RYR2: variants seen among roughly 807,000 people sequenced by gnomAD.
The protein encoded by RYR2 is cardiac muscle ryanodine receptor-calcium release channel.
A neutral mutation model predicts 601.1 loss-of-function variants in RYR2; 227 were observed. The observed-to-expected ratio is 0.38, with a 90% CI of 0.34 to 0.42. The LOEUF is 0.42. Ranked by LOEUF, RYR2 falls within the 10% of genes least tolerant of loss-of-function variation. The pLI is 1.00. For missense variants in RYR2, 4,646 were observed against 6,156.5 expected (o/e 0.75, Z 8.21); for synonymous variants, 2,223 against 2,175.1 (o/e 1.02, Z -0.61).
At position 237,662,706 on chromosome 1, in the gene RYR2, C is replaced by T. The variant is rs75863503; in HGVS notation, c.8436+1759C>T. ...AAGCCCTTAATAGACCCTATTAACC[C>T]GTGAAACCATCTCTCATGTCTTAGT... On this transcript the variant is annotated intron_variant, in intron 56 of 104. Coordinates refer to ENST00000366574, the MANE Select transcript of RYR2 (RefSeq NM_001035.3). Among the ~76,000 whole-genome samples the T allele has an allele frequency of 5.6e-3, 857 of 152,250 alleles. 7 individuals are homozygous for T. The highest frequency in any genetic ancestry group is 0.037 in the Middle Eastern group (11 of 294).
At chr1:237,599,602 T>A (rs1171634339) in intron 34 of RYR2, among the ~76,000 whole-genome samples, 1 of 151,826 alleles carries the variant, frequency 6.6e-6, no homozygotes, top group Non-Finnish European at 1.5e-5. Context: ...GGGTGGATCA[T>A]CTGAGGTCAG....
At chr1:237,167,153 G>A (rs1676796721) in intron 1 of RYR2, among the ~76,000 whole-genome samples, 1 of 152,206 alleles carries the variant, frequency 6.6e-6, no homozygotes, top group African/African-American at 2.4e-5. Flanking sequence ...GATCTGCAGT[G>A]ATGTTCTTGG....
intron 100 of RYR2, among the ~76,000 whole-genome samples, chr1:237,817,995 A>T (rs866609686): frequency 6.6e-6 from 1 of 152,228 alleles, no homozygotes; most frequent in African/African-American, 2.4e-5. Flanking sequence ...TTGCAAGAGA[A>T]GGAGAATGTA....
At chr1:237,696,277 T>C (rs1210032443) in intron 63 of RYR2, among the ~76,000 whole-genome samples, 3 of 152,178 alleles carry the variant, frequency 2.0e-5, no homozygotes, top group Non-Finnish European at 4.4e-5. Flanking sequence ...GCCTCTCTGA[T>C]TTGGGGCTGA....
At chr1:237,243,407 T>C (rs998640821) in intron 1 of RYR2, among the ~76,000 whole-genome samples, 1 of 152,158 alleles carries the variant, frequency 6.6e-6, no homozygotes. Flanking sequence ...AAAACACTTA[T>C]TTACATTTAC....
At position 237,534,246 on chromosome 1, in the gene RYR2, G is replaced by A. The variant is rs79582614; in HGVS notation, c.2906+3736G>A. On this transcript the variant is annotated intron_variant, in intron 25 of 104. Transcript: ENST00000366574. The stretch of plus-strand genomic sequence containing the variant: ...ATTAAGAAAAGAAGGCCACTATATG[G>A]AGAATTGAGAAAACAAGCATCATGC... 9.3e-3 allele frequency among the ~76,000 whole-genome samples: 1,418 copies of A among 152,006 alleles called. 24 individuals carry two copies. The highest frequency in any genetic ancestry group is 0.032 in the African/African-American group (1,338 of 41,508).
At chr1:237,145,072 GT>G (rs1673846678) in intron 1 of RYR2, among the ~76,000 whole-genome samples, 1 of 150,028 alleles carries the variant, frequency 6.7e-6, no homozygotes, top group African/African-American at 2.5e-5. Context: ...CTGTCGGGGG[GT>G]TGGGGGAGCT....
chr1:237,755,213 C>A, intron 80 of RYR2: 1 of 629,368 alleles, frequency 1.6e-6, no homozygotes, highest in Non-Finnish European at 2.3e-6. Context: ...TTTTAGTTCA[C>A]TTTATTTTTC....
chr1:237,569,894 C>A (rs893147217), intron 29 of RYR2, among the ~76,000 whole-genome samples: 1 of 152,112 alleles, frequency 6.6e-6, no homozygotes, highest in East Asian at 1.9e-4. Context: ...GCCTGTGGGG[C>A]CCCGAGATGG....
rs753519564 is a variant in RYR2, at chr1:237,731,918, A to ACACACACACC, written c.10936-127_10936-126insACACACACCC. On this transcript the variant is annotated intron_variant, in intron 77 of 104. Coordinates refer to ENST00000366574, the MANE Select transcript of RYR2 (RefSeq NM_001035.3). ...CACACACACACACACACACACACAC[A>ACACACACACC]CCCCACAACAGGGAAGGAGGAACGT... The ACACACACACC allele has an allele frequency of 2.4e-3, 1,462 of 607,040 alleles. 5 individuals are homozygous for ACACACACACC. Among genetic ancestry groups the ACACACACACC allele is most frequent in the Admixed American group, 5.6e-3 (208 of 36,818 alleles). The allele number at this position is 607,040 out of a possible 1,614,324, so 37.6% of individuals were successfully genotyped here. A position where few individuals can be genotyped will look rare whatever the true frequency, so the allele number is the denominator to read the frequency against.
intron 22 of RYR2, 95 bp downstream of exon 22, chr1:237,503,600 T>A: frequency 8.6e-7 from 1 of 1,169,510 alleles, no homozygotes; most frequent in Non-Finnish European, 1.3e-6. Context: ...GGAACGAATT[T>A]CACAGTAATA....
At chr1:237,090,544 A>G (rs1240353732) in intron 1 of RYR2, among the ~76,000 whole-genome samples, 1 of 152,130 alleles carries the variant, frequency 6.6e-6, no homozygotes, top group Non-Finnish European at 1.5e-5. Context: ...GAACCATTTT[A>G]CTTTAGATGT....
intron 1 of RYR2, among the ~76,000 whole-genome samples, chr1:237,229,727 G>A (rs1418567308): frequency 6.6e-6 from 1 of 152,178 alleles, no homozygotes; most frequent in East Asian, 1.9e-4. Flanking sequence ...ATGCTGACAG[G>A]TGTTTATTTT....
chr1:237,748,983 T>C (rs1028176416), intron 80 of RYR2, among the ~76,000 whole-genome samples: 1 of 152,202 alleles, frequency 6.6e-6, no homozygotes, highest in African/African-American at 2.4e-5. Flanking sequence ...GACAGGAGGA[T>C]GTACGTAGGT....
At chr1:237,608,799 T>TC (rs1392026940) in intron 35 of RYR2, among the ~76,000 whole-genome samples, 1 of 48,436 alleles carries the variant, frequency 2.1e-5, no homozygotes, top group Non-Finnish European at 5.0e-5. Flanking sequence ...CTGACCTGTT[T>TC]TTTTTTTTTT....
chr1:237,616,319 G>A (rs1244277263), intron 37 of RYR2, among the ~76,000 whole-genome samples: 2 of 152,126 alleles, frequency 1.3e-5, no homozygotes, highest in East Asian at 1.9e-4. Flanking sequence ...TCTTAGAAAT[G>A]TTTCTACCAA....
At chr1:237,489,183 A>G (rs556110703) in intron 17 of RYR2, among the ~76,000 whole-genome samples, 16 of 152,182 alleles carry the variant, frequency 1.1e-4, no homozygotes, top group Non-Finnish European at 2.1e-4. Flanking sequence ...CAACGAGCAA[A>G]AGCCAAATAA....
chr1:237,544,956 TA>T (rs1188250837), intron 25 of RYR2, among the ~76,000 whole-genome samples: 2 of 152,190 alleles, frequency 1.3e-5, no homozygotes, highest in East Asian at 3.8e-4. Flanking sequence ...TAGGTGGAAA[TA>T]AAAAGGTTCA....
At chr1:237,322,116 A>G (rs566043731) in intron 2 of RYR2, among the ~76,000 whole-genome samples, 1 of 152,346 alleles carries the variant, frequency 6.6e-6, no homozygotes, top group African/African-American at 2.4e-5. Context: ...TAATTAATTT[A>G]GCTCTTGCCA....
Sources: allele counts gnomAD v4.1 joint callset (sites outside exome capture counted in the v4.1 genomes callset), GRCh38; gene constraint gnomAD v4.1.1; transcripts MANE v1.5; gene names NCBI Gene and HGNC (gene_info 2026-07-23, HGNC 2026-07-21).